Variants in ATM observed in about 807,000 individuals in gnomAD.
The protein encoded by ATM is ATM serine/threonine kinase, also known as serine-protein kinase ATM.
ATM carries 308 observed loss-of-function variants against 387.0 expected under a neutral mutation model. That is an observed-to-expected ratio of 0.80 (90% CI 0.73 to 0.87). ATM has a LOEUF of 0.87. Ranked by LOEUF, ATM falls within the 40% of genes least tolerant of loss-of-function variation. The probability of loss-of-function intolerance (pLI) is 0.00; values close to 1 mark genes in which losing one functional copy is unlikely to be tolerated. For missense variants in ATM, 3,312 were observed against 3,560.9 expected, an observed-to-expected ratio of 0.93 and a Z score of 1.78; for synonymous variants, 1,156 against 1,187.3, an observed-to-expected ratio of 0.97 and a Z score of 0.54.
intron 29 of ATM, 86 bp downstream of exon 29, chr11:108,289,887 A>G: frequency 7.6e-7 from 1 of 1,311,244 alleles, no homozygotes; most frequent in Non-Finnish European, 1.1e-6. Context: ...TTGTTTTGAG[A>G]CAAAGACTCA....
chr11:108,329,336 G>C, intron 49 of ATM, 98 bp downstream of exon 49: 1 of 1,107,784 alleles, frequency 9.0e-7, no homozygotes. Flanking sequence ...ATCTGATATA[G>C]TTTTGAGCTC....
Position 108,331,066 on chromosome 11 carries a change from T to C in ATM, c.7516-378T>C, listed in dbSNP as rs2086188480. 3.5e-5 allele frequency: 22 copies of C among 634,418 alleles called. No individual in the cohort carries two copies. The South Asian group carries it at 1.1e-3, about 32-fold the overall frequency. The allele number at this position is 634,418 out of a possible 1,614,324, so 39.3% of individuals were successfully genotyped here. On this transcript the variant is annotated intron_variant, in intron 50 of 62. Coordinates refer to ENST00000675843, the MANE Select transcript of ATM (RefSeq NM_000051.4). ...TCTCTGCTGTAGTATACACTAAATATTACTTTTGGCCTATGGGGAAAAGCA... is the reference window on the plus strand; with the variant it reads ...TCTCTGCTGTAGTATACACTAAATACTACTTTTGGCCTATGGGGAAAAGCA...
At chr11:108,244,692 G>GTTTTTTTTT in intron 6 of ATM, 96 bp from the exon 7 acceptor site, 3 of 956,006 alleles carry the variant, frequency 3.1e-6, no homozygotes, top group Non-Finnish European at 3.3e-6. Flanking sequence ...TTAGGGTTTT[G>GTTTTTTTTT]TTTTTTTTTC....
intron 22 of ATM, 102 bp from the exon 23 acceptor site, chr11:108,279,389 C>A: frequency 1.2e-6 from 1 of 841,092 alleles, no homozygotes; most frequent in Non-Finnish European, 2.0e-6. Flanking sequence ...TTATGTCTCA[C>A]AGAGTGATTT....
intron 23 of ATM, among the ~76,000 whole-genome samples, chr11:108,280,612 T>A (rs1443726058): frequency 2.0e-5 from 3 of 152,194 alleles, no homozygotes; most frequent in Non-Finnish European, 4.4e-5. Flanking sequence ...ATCCTTTGTG[T>A]TACAAGCAAT....
chr11:108,227,636 AC>A lies in ATM; in HGVS notation c.13del (p.Asn6MetfsTer10). The A allele has an allele frequency of 6.2e-7, 1 of 1,613,772 alleles. No homozygotes were observed. Among genetic ancestry groups the A allele is most frequent in the Non-Finnish European group, 8.5e-7 (1 of 1,179,834 alleles). MSLV[L>X]NDLLICCRQL... The stretch of plus-strand genomic sequence containing the variant: ...TGAAATTGTGAACCATGAGTCTAGT[AC>A]TTAATGATCTGCTTATCTGCTGCCG... On this transcript the variant is annotated frameshift_variant, in exon 2 of 63. Transcript: ENST00000675843. LOFTEE classifies it high-confidence loss of function.
intron 55 of ATM, among the ~76,000 whole-genome samples, chr11:108,335,632 A>G (rs1430034451): frequency 6.6e-6 from 1 of 152,176 alleles, no homozygotes; most frequent in Non-Finnish European, 1.5e-5. Flanking sequence ...ATCTAATTAC[A>G]GAAGTAGCGA....
At chr11:108,335,324 C>T in intron 55 of ATM, 2 of 1,432,368 alleles carry the variant, frequency 1.4e-6, no homozygotes, top group Non-Finnish European at 1.9e-6. Flanking sequence ...ATGGTTGATT[C>T]AAGTAAAAGA....
chr11:108,316,613 TA>T (rs1221426019), intron 42 of ATM, among the ~76,000 whole-genome samples: 1 of 151,924 alleles, frequency 6.6e-6, no homozygotes, highest in Non-Finnish European at 1.5e-5. Flanking sequence ...ATTTTGGGAT[TA>T]AAAAAATGTT....
At position 108,293,104 on chromosome 11, in the gene ATM, T is replaced by A. The variant is rs528662315; in HGVS notation, c.4612-209T>A. ...GTTTCATTAATATTGGCATTTTTTT[T>A]AACCTCAGTACCCATCTTGTAGTAG... On this transcript the variant is annotated intron_variant, in intron 30 of 62. Coordinates refer to ENST00000675843, the MANE Select transcript of ATM (RefSeq NM_000051.4). 5.3e-5 allele frequency among the ~76,000 whole-genome samples: 8 copies of A among 152,290 alleles called. No homozygotes were observed. The East Asian group carries it at 1.5e-3, about 29-fold the overall frequency.
rs982022328 is a variant in ATM, at chr11:108,256,112, A to G, written c.2125-103A>G. ...TGCCACCTTTAACTCAGTTAACTGAACTTTTGTTTTTTAATATGTATGTAG... is the reference window on the plus strand; with the variant it reads ...TGCCACCTTTAACTCAGTTAACTGAGCTTTTGTTTTTTAATATGTATGTAG... On this transcript the variant is annotated intron_variant, in intron 13 of 62. Transcript: ENST00000675843. 6.3e-6 allele frequency: 7 copies of G among 1,104,294 alleles called. No individual in the cohort carries two copies. In the Admixed American group the frequency reaches 1.9e-4, roughly 30 times the overall value. 68.4% of individuals were successfully genotyped at this position (1,104,294 alleles called of 1,614,324 possible).
intron 30 of ATM, 60 bp from the exon 31 acceptor site, chr11:108,293,253 G>T (rs2135807957): frequency 9.2e-7 from 1 of 1,088,192 alleles, no homozygotes; most frequent in Admixed American, 2.7e-5. Flanking sequence ...AGTAAGTTTT[G>T]TTGGCTTACT....
In ATM at chr11:108,299,768, C is replaced by T; in HGVS notation, c.5060C>T (p.Ala1687Val). The T allele has an allele frequency of 1.9e-6, 3 of 1,613,924 alleles. No individual in the cohort carries two copies. Among genetic ancestry groups the T allele is most frequent in the Non-Finnish European group, 2.5e-6 (3 of 1,179,918 alleles). Residue 1687 changes from alanine (A) to valine (V), a missense_variant, in exon 34 of 63, where the codon GCT (alanine) becomes GTT (valine). Physicochemically the swap from Ala to Val is moderately conservative, Grantham distance 64. This residue lies in a region of ATM where 1,405 missense variants were observed against 1,604.4 expected (regional missense o/e 0.88). Coordinates refer to ENST00000675843, the MANE Select transcript of ATM (RefSeq NM_000051.4). ...GGTCCTATAGATTTCTCTACCATAGCTATACAACATAGTAAAGATGCATCT... is the reference window on the plus strand; with the variant it reads ...GGTCCTATAGATTTCTCTACCATAGTTATACAACATAGTAAAGATGCATCT... ...EVGPIDFSTI[A>V]IQHSKDASYT...
rs1244113340 is a variant in ATM, at chr11:108,270,953, C to G, written c.2839-111C>G. 3.9e-5 allele frequency: 34 copies of G among 868,016 alleles called. No homozygotes were observed. The Admixed American group carries it at 6.8e-4, about 17-fold the overall frequency. The allele number at this position is 868,016 out of a possible 1,614,324, so 53.8% of individuals were successfully genotyped here. On this transcript the variant is annotated intron_variant, in intron 18 of 62. Transcript: ENST00000675843. ...TTGTGATCTGCCTGCTTCAGCCTCC[C>G]AAAGTGCTGGGATTACAGGTGTGAG...
At chr11:108,310,115 T>G (rs761759538) in intron 38 of ATM, 45 bp from the exon 39 acceptor site, 2 of 1,576,950 alleles carry the variant, frequency 1.3e-6, no homozygotes, top group Non-Finnish European at 1.7e-6. Flanking sequence ...ATTTTGATAT[T>G]GAAGTTTAAA....
At chr11:108,334,080 T>C (rs1367229459) in intron 54 of ATM, 112 bp downstream of exon 54, 3 of 801,280 alleles carry the variant, frequency 3.7e-6, no homozygotes, top group Non-Finnish European at 6.3e-6. Flanking sequence ...TTGGCAAATT[T>C]CATATGTTTC....
chr11:108,255,554 T>C (rs1254539845), intron 13 of ATM, among the ~76,000 whole-genome samples: 1 of 151,270 alleles, frequency 6.6e-6, no homozygotes, highest in African/African-American at 2.4e-5. Context: ...GCCTCCTGAG[T>C]AGCTGAGATT....
chr11:108,344,690 G>C (rs2088073158), intron 57 of ATM, among the ~76,000 whole-genome samples: 1 of 152,054 alleles, frequency 6.6e-6, no homozygotes, highest in Admixed American at 6.6e-5. Flanking sequence ...AGAATTCATA[G>C]GATTTGATTG....
intron 15 of ATM, 125 bp downstream of exon 15, chr11:108,257,731 T>G: frequency 1.0e-6 from 1 of 969,026 alleles, no homozygotes. Flanking sequence ...GCAATTCTCC[T>G]GCCTCAGCCT....
Sources: gnomAD v4.1 joint callset for allele counts (sites outside exome capture counted in the v4.1 genomes callset) on GRCh38, gnomAD v4.1.1 for gene constraint, gnomAD v4.1.1 regional missense constraint, MANE v1.5 for transcripts, NCBI Gene and HGNC (gene_info 2026-07-23, HGNC 2026-07-21) for gene names.